The following CHIC2 variants were observed in gnomAD, a reference collection of about 807,000 sequenced individuals.
CHIC2 encodes the protein cysteine-rich hydrophobic domain-containing protein 2.
Under a neutral mutation model 25.9 loss-of-function variants are expected in CHIC2, and 14 were observed. That is an observed-to-expected ratio of 0.54 (90% confidence interval 0.36 to 0.85). The LOEUF is 0.85. Among genes scored for constraint, CHIC2 ranks in the 40% least tolerant of loss-of-function variants. The pLI is 0.01. For missense variants in CHIC2, 146 were observed against 202.0 expected (o/e 0.72, Z 1.68); for synonymous variants, 70 against 72.0 (o/e 0.97, Z 0.14).
intron 3 of CHIC2, among the ~76,000 whole-genome samples, chr4:54,039,509 A>C (rs1344372624): frequency 6.6e-6 from 1 of 152,220 alleles, no homozygotes. Flanking sequence ...TTAAAACCAC[A>C]ATGAGATGCT....
chr4:54,068,828 C>T (rs1717566219), upstream of CHIC2, among the ~76,000 whole-genome samples: 1 of 152,314 alleles, frequency 6.6e-6, no homozygotes, highest in East Asian at 1.9e-4. Flanking sequence ...CTGCACCCTC[C>T]ACTTCAAACA....
At chr4:54,087,027 G>A in the CHIC2 span, 33 of 1,117,824 alleles carry the variant, frequency 3.0e-5, no homozygotes, top group South Asian at 2.5e-4. Context: ...GATGAGAGGG[G>A]CCTCCTCAGG....
chr4:54,014,184 C>T, intron 3 of CHIC2, 65 bp from the exon 4 acceptor site: 7 of 1,414,418 alleles, frequency 4.9e-6, no homozygotes, highest in African/African-American at 2.8e-5. Context: ...TTTGCAGCTG[C>T]TTTTTCTGTG....
intron 3 of CHIC2, among the ~76,000 whole-genome samples, chr4:54,021,683 T>C (rs1475154845): frequency 1.3e-5 from 2 of 152,132 alleles, no homozygotes; most frequent in East Asian, 1.9e-4. Context: ...TCAGTTAGCG[T>C]TTAGGCTCTT....
At chr4:54,065,498 A>G (rs1285627131), upstream of CHIC2, among the ~76,000 whole-genome samples, 2 of 152,210 alleles carry the variant, frequency 1.3e-5, no homozygotes, top group African/African-American at 2.4e-5. Flanking sequence ...GGATAGAAGG[A>G]AGGACGAGAA....
intron 5 of CHIC2, among the ~76,000 whole-genome samples, chr4:54,012,285 C>T (rs1715617880): frequency 6.6e-6 from 1 of 152,020 alleles, no homozygotes; most frequent in African/African-American, 2.4e-5. Context: ...ATCTTTACTA[C>T]TCTTCTGGGT....
intron 1 of CHIC2, 91 bp from the exon 2 acceptor site, chr4:54,049,396 C>A: frequency 1.4e-6 from 1 of 705,054 alleles, no homozygotes; most frequent in Non-Finnish European, 2.3e-6. Context: ...CAATAGAAAG[C>A]ATTTTCACAT....
intron 3 of CHIC2, among the ~76,000 whole-genome samples, chr4:54,027,096 G>A (rs377154738): frequency 1.3e-5 from 2 of 152,046 alleles, no homozygotes; most frequent in African/African-American, 2.4e-5. Flanking sequence ...ATGAAAAAAC[G>A]AAGAATTTCA....
At chr4:54,031,631 T>C (rs1716231547) in intron 3 of CHIC2, among the ~76,000 whole-genome samples, 1 of 144,146 alleles carries the variant, frequency 6.9e-6, no homozygotes, top group African/African-American at 2.6e-5. Context: ...TTTTTTTTTT[T>C]TTTGTGAGAC....
the CHIC2 span, among the ~76,000 whole-genome samples, chr4:54,071,740 C>T: frequency 4.5e-4 from 68 of 152,210 alleles, 1 homozygote; most frequent in Non-Finnish European, 7.6e-4. Flanking sequence ...TTTGGGAGGC[C>T]GAGGCAGGCA....
chr4:54,063,833 T>C (rs1008248856), intron 1 of CHIC2, among the ~76,000 whole-genome samples: 3 of 152,120 alleles, frequency 2.0e-5, no homozygotes, highest in Non-Finnish European at 4.4e-5. Flanking sequence ...AACCACAGGG[T>C]AACTGGGCGA....
chr4:54,046,967 C>A (rs1336694049), intron 3 of CHIC2, among the ~76,000 whole-genome samples: 1 of 152,130 alleles, frequency 6.6e-6, no homozygotes, highest in East Asian at 1.9e-4. Flanking sequence ...AAGCAAACAA[C>A]CCCATCAAAA....
chr4:54,067,296 CTGTG>C (rs5858255), upstream of CHIC2, among the ~76,000 whole-genome samples: 47,319 of 149,252 alleles, frequency 0.32, 7,712 homozygotes, highest in Middle Eastern at 0.41. Flanking sequence ...GTGTGTGTGT[CTGTG>C]TGTGTGTGTG....
intron 3 of CHIC2, among the ~76,000 whole-genome samples, chr4:54,022,984 GT>G (rs1715947727): frequency 2.0e-5 from 3 of 152,172 alleles, no homozygotes. Context: ...CCACCCTGTG[GT>G]GCCAAACCCA....
At chr4:54,058,944 T>A (rs1717255228) in intron 1 of CHIC2, among the ~76,000 whole-genome samples, 1 of 152,204 alleles carries the variant, frequency 6.6e-6, no homozygotes, top group African/African-American at 2.4e-5. Context: ...CATATAAAAT[T>A]TTAAGTACTA....
intron 1 of CHIC2, among the ~76,000 whole-genome samples, chr4:54,058,141 T>C (rs1016856699): frequency 3.3e-5 from 5 of 152,200 alleles, no homozygotes; most frequent in African/African-American, 4.8e-5. Flanking sequence ...CAGAAAAGCA[T>C]ACTTCACATT....
intron 3 of CHIC2, among the ~76,000 whole-genome samples, chr4:54,028,068 T>C (rs1245794686): frequency 6.6e-6 from 1 of 152,120 alleles, no homozygotes; most frequent in African/African-American, 2.4e-5. Flanking sequence ...CTTCAAGAAA[T>C]ACAAACTTAT....
chr4:54,018,592 A>G (rs1715810379), intron 3 of CHIC2, among the ~76,000 whole-genome samples: 1 of 152,080 alleles, frequency 6.6e-6, no homozygotes, highest in Non-Finnish European at 1.5e-5. Flanking sequence ...AGACATTACT[A>G]ATAAAACCAA....
intron 3 of CHIC2, among the ~76,000 whole-genome samples, chr4:54,022,323 G>A (rs1177102191): frequency 6.6e-6 from 1 of 152,080 alleles, no homozygotes; most frequent in Non-Finnish European, 1.5e-5. Flanking sequence ...GACCATCACA[G>A]ACGCTCTGGG....
Sources: allele counts gnomAD v4.1 joint callset (sites outside exome capture counted in the v4.1 genomes callset), GRCh38; gene constraint gnomAD v4.1.1; transcripts MANE v1.5; gene names NCBI Gene and HGNC (gene_info 2026-07-23, HGNC 2026-07-21).